LYRM4: variants seen among roughly 807,000 people sequenced by gnomAD.
LYRM4 encodes the protein LYR motif-containing protein 4.
In LYRM4, 9 loss-of-function variants were observed where a neutral mutation model predicts 11.7. The observed-to-expected ratio is 0.77, with a 90% CI of 0.46 to 1.34. The LOEUF (loss-of-function observed/expected upper bound fraction) is 1.34. Ranked by LOEUF, LYRM4 falls within the 40% of genes most tolerant of loss-of-function variation. The probability of loss-of-function intolerance (pLI) is 0.00; values close to 1 mark genes in which losing one functional copy is unlikely to be tolerated. For missense variants in LYRM4, 133 were observed against 112.5 expected (o/e 1.18, Z -0.82); for synonymous variants, 42 against 40.4 (o/e 1.04, Z -0.15).
rs554718081 is a variant in LYRM4 at position 5,249,083 on chromosome 6, G to A, written c.86+11565C>T. 3.2e-4 allele frequency among the ~76,000 whole-genome samples: 48 copies of A among 152,378 alleles called. 1 individual carries two copies. The South Asian group carries it at 7.7e-3, about 24-fold the overall frequency. ...CAAAGATTTGGCAGCTGGACTACCA[G>A]TGTAAGAGACAACTATGTAGTAATT... On this transcript the variant is annotated intron_variant, in intron 1 of 2. Transcript: ENST00000330636.
intron 2 of LYRM4, among the ~76,000 whole-genome samples, chr6:5,157,178 C>T (rs903100670): frequency 7.9e-5 from 12 of 152,116 alleles, no homozygotes; most frequent in African/African-American, 2.4e-4. Context: ...AGTTACTAAG[C>T]GAAAGCACTC....
chr6:5,035,301 A>G, the LYRM4 span, among the ~76,000 whole-genome samples: 2 of 151,798 alleles, frequency 1.3e-5, no homozygotes, highest in South Asian at 2.1e-4. Flanking sequence ...GCTTTTCCTG[A>G]GGTGCCCTCT....
chr6:5,090,453 G>A, the LYRM4 span, among the ~76,000 whole-genome samples: 1 of 152,306 alleles, frequency 6.6e-6, no homozygotes, highest in South Asian at 2.1e-4. The surrounding 1 kb of genome is among the most constrained non-coding windows in gnomAD (Gnocchi z 4.8). Flanking sequence ...GAAGTGTACG[G>A]TGGACTCTGG....
the LYRM4 span, among the ~76,000 whole-genome samples, chr6:5,071,313 A>C: frequency 6.6e-6 from 1 of 152,216 alleles, no homozygotes; most frequent in African/African-American, 2.4e-5. Flanking sequence ...GTCTGTGCAT[A>C]AAAGTCATAT....
At chr6:5,042,482 C>G in the LYRM4 span, 1 of 152,590 alleles carries the variant, frequency 6.6e-6, no homozygotes, top group African/African-American at 2.4e-5. Context: ...TCACCTCTAA[C>G]GGGTCACAAT....
chr6:5,209,075 GTTTA>G (rs1561872049), intron 2 of LYRM4, among the ~76,000 whole-genome samples: 1 of 152,152 alleles, frequency 6.6e-6, no homozygotes, highest in African/African-American at 2.4e-5. Context: ...CCTCTGATGG[GTTTA>G]TTATTACTTT....
At chr6:5,133,551 G>A (rs1764053516) in intron 2 of LYRM4, among the ~76,000 whole-genome samples, 2 of 152,178 alleles carry the variant, frequency 1.3e-5, no homozygotes, top group South Asian at 4.1e-4. Flanking sequence ...TCACACTTAA[G>A]AGATTATTAA....
the LYRM4 span, among the ~76,000 whole-genome samples, chr6:5,097,650 C>T: frequency 6.6e-6 from 1 of 152,082 alleles, no homozygotes; most frequent in African/African-American, 2.4e-5. Context: ...TGTACCCGGC[C>T]AATAAATTAA....
chr6:5,109,174 G>A lies in LYRM4; in HGVS notation c.*249C>T. ...CAAGGTAGGAATGGGGTGCAGGGGA[G>A]ACGTGGTAACACACAGCACTATTCT... On this transcript the variant is annotated 3_prime_UTR_variant, in exon 3 of 3. Transcript: ENST00000330636. 7.4e-7 allele frequency: 1 copy of A among 1,349,882 alleles called. No homozygotes were observed. Among genetic ancestry groups the A allele is most frequent in the South Asian group, 1.9e-5 (1 of 52,690 alleles). 83.6% of individuals were successfully genotyped at this position (1,349,882 alleles called of 1,614,324 possible).
intron 1 of LYRM4, among the ~76,000 whole-genome samples, chr6:5,244,159 A>G (rs181806516): frequency 6.6e-6 from 1 of 152,344 alleles, no homozygotes; most frequent in East Asian, 1.9e-4. Context: ...CTGTGTTTCC[A>G]CTTTCAGTAT....
chr6:5,070,005 C>CA, the LYRM4 span, among the ~76,000 whole-genome samples: 1 of 152,212 alleles, frequency 6.6e-6, no homozygotes, highest in Non-Finnish European at 1.5e-5. Context: ...TGTGCACCAG[C>CA]ACATGCTAGG....
chr6:5,104,933 G>A (rs1268196090), downstream of LYRM4: 4 of 152,086 alleles, frequency 2.6e-5, no homozygotes, highest in African/African-American at 4.8e-5. Flanking sequence ...TGACTGTTTC[G>A]ACTGTTTCTC....
At chr6:5,053,631 C>T in the LYRM4 span, among the ~76,000 whole-genome samples, 1 of 126,512 alleles carries the variant, frequency 7.9e-6, no homozygotes, top group Non-Finnish European at 1.7e-5. Context: ...CTGTCTCTTG[C>T]AAAAAAAAAA....
chr6:5,260,781 G>A lies in LYRM4; in HGVS notation c.-48C>T. 1 of 1,536,344 alleles carries A rather than the reference G, an allele frequency of 6.5e-7. No individual in the cohort carries two copies. The highest frequency in any genetic ancestry group is 1.2e-5 in the South Asian group (1 of 84,018). ...CGGGTCCTCTTCGCCGAGGTCCCAA[G>A]TACGACCCAACCCACGAAACTCCAG... is the stretch of plus-strand genomic sequence containing the variant. On this transcript the variant is annotated 5_prime_UTR_variant, in exon 1 of 3. Coordinates refer to ENST00000330636, the MANE Select transcript of LYRM4 (RefSeq NM_020408.6).
At chr6:5,062,142 T>C in the LYRM4 span, among the ~76,000 whole-genome samples, 1 of 145,874 alleles carries the variant, frequency 6.9e-6, no homozygotes, top group Non-Finnish European at 1.5e-5. Flanking sequence ...TAGTGTGCAG[T>C]GGTGCGATAA....
At chr6:5,143,524 G>A (rs1053790428) in intron 2 of LYRM4, among the ~76,000 whole-genome samples, 1 of 152,340 alleles carries the variant, frequency 6.6e-6, no homozygotes, top group East Asian at 1.9e-4. Flanking sequence ...GCCTTGAGAT[G>A]TGGCTGGCAT....
At chr6:5,237,935 G>C (rs1190708717) in intron 1 of LYRM4, among the ~76,000 whole-genome samples, 1 of 152,136 alleles carries the variant, frequency 6.6e-6, no homozygotes, top group African/African-American at 2.4e-5. Context: ...TTCTAAGAAA[G>C]TGGCTGCTTC....
At chr6:5,054,931 TGTGGG>T in the LYRM4 span, among the ~76,000 whole-genome samples, 2 of 152,222 alleles carry the variant, frequency 1.3e-5, no homozygotes, top group Non-Finnish European at 2.9e-5. Flanking sequence ...ACCTGTCTCT[TGTGGG>T]GGAAATTTGC....
chr6:5,052,454 C>CT, the LYRM4 span, among the ~76,000 whole-genome samples: 8 of 151,728 alleles, frequency 5.3e-5, no homozygotes, highest in East Asian at 1.9e-4. Flanking sequence ...CAGTGTATGC[C>CT]TTTTTTTTGT....
Sources: gnomAD v4.1 joint callset for allele counts (sites outside exome capture counted in the v4.1 genomes callset) on GRCh38, gnomAD v4.1.1 for gene constraint, Gnocchi (gnomAD v3.1) non-coding constraint, MANE v1.5 for transcripts, NCBI Gene and HGNC (gene_info 2026-07-23, HGNC 2026-07-21) for gene names.